Variants in ABR observed in about 807,000 individuals in gnomAD.
The protein encoded by ABR is ABR activator of RhoGEF and GTPase.
In ABR, 35 loss-of-function variants were observed where a neutral mutation model predicts 107.2. The ratio of observed to expected loss-of-function variants is 0.33; its 90% confidence interval spans 0.25 to 0.43. The LOEUF (loss-of-function observed/expected upper bound fraction) is 0.43, where lower values mean the gene tolerates loss of function less well. ABR is among the 20% of genes least tolerant of loss of function. The pLI is 1.00. For synonymous variants in ABR, 498 were observed against 462.0 expected, an observed-to-expected ratio of 1.08 and a Z score of -1.00; for missense variants, 815 against 1,115.2, an observed-to-expected ratio of 0.73 and a Z score of 3.83.
intron 16 of ABR, among the ~76,000 whole-genome samples, chr17:1,014,020 CAA>C (rs2070899347): frequency 6.6e-6 from 1 of 152,188 alleles, no homozygotes; most frequent in Non-Finnish European, 1.5e-5. Flanking sequence ...TAAATAGTTG[CAA>C]AGAGTATGAT....
exon 1 of ABR, chr17:1,186,973 G>A (rs1394026682): frequency 6.6e-6 from 1 of 152,410 alleles, no homozygotes; most frequent in East Asian, 1.9e-4. Flanking sequence ...GCCCTCCTGT[G>A]GTCACGACGG....
Position 1,078,079 on chromosome 17 carries a change from G to C in ABR, c.700+1251C>G, listed in dbSNP as rs987756510. 6.6e-6 allele frequency among the ~76,000 whole-genome samples: 1 copy of C among 152,116 alleles called. No homozygotes were observed. Among genetic ancestry groups the C allele is most frequent in the Non-Finnish European group, 1.5e-5 (1 of 68,006 alleles). On this transcript the variant is annotated intron_variant, in intron 6 of 22. Transcript: ENST00000302538. The surrounding 1 kb of genome is among the most constrained non-coding windows in gnomAD (Gnocchi z 7.5). ...AGCTGCGGGAGCTGCAAGGAGGATG[G>C]TCCGGGTCCCTTCCACCGAAAGGTG...
chr17:1,204,545 T>C (rs1371717338), intron 1 of ABR, among the ~76,000 whole-genome samples: 1 of 152,174 alleles, frequency 6.6e-6, no homozygotes, highest in African/African-American at 2.4e-5. Flanking sequence ...GTCCAGAAGA[T>C]TATAATCCTG....
chr17:1,077,007 C>G (rs1049222196), intron 6 of ABR, among the ~76,000 whole-genome samples: 2 of 152,234 alleles, frequency 1.3e-5, no homozygotes, highest in African/African-American at 2.4e-5. Flanking sequence ...CCCAAGGGTA[C>G]TGAGTTAACT....
chr17:1,013,296 T>A (rs746412503), intron 16 of ABR, 132 bp from the exon 17 acceptor site: 1 of 912,532 alleles, frequency 1.1e-6, no homozygotes, highest in Admixed American at 2.2e-5. Context: ...GATAAGCTGA[T>A]GTTTACCTGG....
At chr17:1,101,950 G>T (rs545493204) in intron 2 of ABR, among the ~76,000 whole-genome samples, 1 of 151,968 alleles carries the variant, frequency 6.6e-6, no homozygotes, top group Non-Finnish European at 1.5e-5. Flanking sequence ...AGCCAGGATG[G>T]TCTCGATCTC....
intron 1 of ABR, among the ~76,000 whole-genome samples, chr17:1,202,955 C>T (rs1267428403): frequency 1.3e-5 from 2 of 148,772 alleles, no homozygotes; most frequent in Non-Finnish European, 3.0e-5. Context: ...GGTGTGATCT[C>T]GGTTCACTAC....
At chr17:1,225,637 G>A (rs2043199183) in intron 1 of ABR, among the ~76,000 whole-genome samples, 1 of 152,142 alleles carries the variant, frequency 6.6e-6, no homozygotes. Context: ...AGGTGACAGA[G>A]CGGGACTCTG....
chr17:1,106,107 A>G (rs1024609857), intron 2 of ABR, among the ~76,000 whole-genome samples: 1 of 152,080 alleles, frequency 6.6e-6, no homozygotes, highest in African/African-American at 2.4e-5. Context: ...CAGATCAATA[A>G]CTCTTCAAAG....
At position 1,122,437 on chromosome 17, in the gene ABR, A is replaced by T. The variant is rs79056887; in HGVS notation, c.246+2746T>A. Among the ~76,000 whole-genome samples the T allele has an allele frequency of 7.2e-5, 11 of 152,340 alleles. No homozygotes were observed. The East Asian group carries it at 2.1e-3, about 29-fold the overall frequency. On this transcript the variant is annotated intron_variant, in intron 2 of 22. Coordinates refer to ENST00000302538, the MANE Select transcript of ABR (RefSeq NM_021962.5). ...TCCCCAGTGTAGGTGGGCCTCATCC[A>T]ATCCACTGAACACCTGAATTAACAA...
intron 1 of ABR, among the ~76,000 whole-genome samples, chr17:1,127,712 C>T (rs534813962): frequency 6.6e-6 from 1 of 152,288 alleles, no homozygotes; most frequent in South Asian, 2.1e-4. Flanking sequence ...CAAGCAGACT[C>T]TCCTGTACAC....
chr17:1,031,773 A>G (rs2072796696), intron 16 of ABR: 2 of 1,224,394 alleles, frequency 1.6e-6, no homozygotes, highest in African/African-American at 3.1e-5. Flanking sequence ...CGCTGGAGAG[A>G]AGGCGCCTGT....
chr17:1,035,955 G>A (rs2073154370), intron 16 of ABR, among the ~76,000 whole-genome samples: 1 of 151,872 alleles, frequency 6.6e-6, no homozygotes, highest in South Asian at 2.1e-4. Context: ...GTCACATCCT[G>A]CCCTGTGCGA....
chr17:1,176,010 G>A (rs2041906435), intron 1 of ABR, among the ~76,000 whole-genome samples: 1 of 152,240 alleles, frequency 6.6e-6, no homozygotes, highest in African/African-American at 2.4e-5. Context: ...AGAATGGCGT[G>A]AACCTGGGAG....
At chr17:1,081,584 CT>C (rs35717833) in intron 5 of ABR, among the ~76,000 whole-genome samples, 11 of 150,498 alleles carry the variant, frequency 7.3e-5, no homozygotes, top group East Asian at 5.9e-4. Context: ...TCAATAGATA[CT>C]TTTTTTTTTC....
chr17:1,167,289 G>T (rs1018960133), intron 1 of ABR, among the ~76,000 whole-genome samples: 3 of 151,968 alleles, frequency 2.0e-5, no homozygotes, highest in Non-Finnish European at 4.4e-5. Flanking sequence ...GGCATCCCCA[G>T]TGCTGGATCC....
Position 1,051,290 on chromosome 17 carries a change from G to T in ABR, c.1562-656C>A, listed in dbSNP as rs2032485912. Among the ~76,000 whole-genome samples, 1 of 152,176 alleles carries T rather than the reference G, an allele frequency of 6.6e-6. No individual in the cohort carries two copies. Among genetic ancestry groups the T allele is most frequent in the African/African-American group, 2.4e-5 (1 of 41,438 alleles). On this transcript the variant is annotated intron_variant, in intron 14 of 22. Coordinates refer to ENST00000302538, the MANE Select transcript of ABR (RefSeq NM_021962.5). This position sits in a 1 kb window ranked among gnomAD's most constrained non-coding sequence, Gnocchi z 4.3. ...TCCCCCCACGACGTAAACACCATGT[G>T]GAGAGAAGCCTGGGTTTTCCTGCCT...
rs543684311 is a variant in ABR, at chr17:1,010,294, C to T, written c.2236+435G>A. ...GGGTGGAGGCGGAAGGCCTGCTGGCCGGGGCCCTCCGCAGAGGTGACGGGA... is the reference window on the plus strand; with the variant it reads ...GGGTGGAGGCGGAAGGCCTGCTGGCTGGGGCCCTCCGCAGAGGTGACGGGA... On this transcript the variant is annotated intron_variant, in intron 20 of 22. Transcript: ENST00000302538. This position sits in a 1 kb window ranked among gnomAD's most constrained non-coding sequence, Gnocchi z 4.1. The T allele has an allele frequency of 2.3e-5, 5 of 221,908 alleles. No homozygotes were observed. The highest frequency in any genetic ancestry group is 4.5e-5 in the African/African-American group (2 of 44,540). 13.7% of individuals were successfully genotyped at this position (221,908 alleles called of 1,614,324 possible).
chr17:1,012,647 G>A (rs1597358215), intron 18 of ABR, 41 bp downstream of exon 18: 1 of 1,486,100 alleles, frequency 6.7e-7, no homozygotes, highest in East Asian at 2.5e-5. Flanking sequence ...GGGGACCCGG[G>A]GCACCGACGC....
Sources: gnomAD v4.1 joint callset for allele counts (sites outside exome capture counted in the v4.1 genomes callset) on GRCh38, gnomAD v4.1.1 for gene constraint, Gnocchi (gnomAD v3.1) non-coding constraint, MANE v1.5 for transcripts, NCBI Gene and HGNC (gene_info 2026-07-23, HGNC 2026-07-21) for gene names.